Variants in NUDT14 observed in about 807,000 individuals in gnomAD.
NUDT14 encodes the protein nudix hydrolase 14.
A neutral mutation model predicts 17.5 loss-of-function variants in NUDT14; 22 were observed. That is an observed-to-expected ratio of 1.26 (90% CI 0.90 to 1.80). The LOEUF is 1.80. NUDT14 is among the 40% of genes most tolerant of loss of function. NUDT14 has a pLI of 0.00. For missense variants in NUDT14, 296 were observed against 295.6 expected, an observed-to-expected ratio of 1.00 and a Z score of -0.01; for synonymous variants, 129 against 125.8, an observed-to-expected ratio of 1.03 and a Z score of -0.17.
Position 105,181,284 on chromosome 14 carries a change from C to T in NUDT14, c.-75G>A. 1 of 626,396 alleles carries T rather than the reference C, an allele frequency of 1.6e-6. No individual in the cohort carries two copies. Among genetic ancestry groups the T allele is most frequent in the Non-Finnish European group, 2.1e-6 (1 of 480,466 alleles). 38.8% of individuals were successfully genotyped at this position (626,396 alleles called of 1,614,324 possible). On this transcript the variant is annotated 5_prime_UTR_variant, in exon 1 of 5. Coordinates refer to ENST00000392568, the MANE Select transcript of NUDT14 (RefSeq NM_177533.5). This position sits in a 1 kb window ranked among gnomAD's most constrained non-coding sequence, Gnocchi z 5.0. The stretch of plus-strand genomic sequence containing the variant: ...GGGCGGCGCCCTGTCCCGACAGGAG[C>T]CTTCGGGCGGGCGCGTGACCGCGGC...
rs758231401 is a variant in NUDT14, at chr14:105,173,205, T to C, written c.485A>G (p.Asp162Gly). Residue 162 changes from aspartate to glycine, a missense_variant, in exon 5 of 5, where the codon GAT becomes GGT. Transcript: ENST00000392568. The surrounding 1 kb of genome is among the most constrained non-coding windows in gnomAD (Gnocchi z 4.7). The part of the protein sequence containing the change: ...RQTMFYTEVT[D>G]AQRSGPGGGL... ...CCCACCTGGACCGCTACGCTGGGCA[T>C]CTGTCACCTCTGTGTAGAACATGGT... The C allele has an allele frequency of 1.2e-5, 19 of 1,608,546 alleles. No homozygotes were observed. Among genetic ancestry groups the C allele is most frequent in the Non-Finnish European group, 1.4e-5 (17 of 1,178,174 alleles).
rs775112094 is a variant in NUDT14, at chr14:105,176,584, C to T, written c.378G>A (p.Glu126=). Residue 126 remains glutamate, a synonymous_variant, in exon 4 of 5, where the codon GAG becomes GAA. Transcript: ENST00000392568. ...EEVACKEAWE[E]CGYHLAPSDL... ...CAGAGGGGGCCAAGTGGTAGCCACACTCCTCCCAAGCCTCCTTGCAAGCCA... is the reference window on the plus strand; with the variant it reads ...CAGAGGGGGCCAAGTGGTAGCCACATTCCTCCCAAGCCTCCTTGCAAGCCA... 6.2e-7 allele frequency: 1 copy of T among 1,612,752 alleles called. No homozygotes were observed. Among genetic ancestry groups the T allele is most frequent in the Non-Finnish European group, 8.5e-7 (1 of 1,179,948 alleles).
chr14:105,181,108 GA>G lies in NUDT14; in HGVS notation c.81+20del, dbSNP rs1889318009. ...CCGGGCCGCCGGCGGGGGCGCGGGG[GA>G]CGCGGGGGCGCGGGCTCACCTGGCG... On this transcript the variant is annotated intron_variant, in intron 1 of 4. Coordinates refer to ENST00000392568, the MANE Select transcript of NUDT14 (RefSeq NM_177533.5). This position sits in a 1 kb window ranked among gnomAD's most constrained non-coding sequence, Gnocchi z 5.0. 3 of 944,058 alleles carry G rather than the reference GA, an allele frequency of 3.2e-6. No individual in the cohort carries two copies. The highest frequency in any genetic ancestry group is 3.9e-6 in the Non-Finnish European group (3 of 775,024). The allele number at this position is 944,058 out of a possible 1,614,324, so 58.5% of individuals were successfully genotyped here.
In NUDT14 at chr14:105,176,643, G is replaced by A. The variant is rs1383484849; in HGVS notation, c.319C>T (p.Leu107Phe). Residue 107 changes from leucine to phenylalanine, a missense_variant, in exon 4 of 5, where the codon CTC (leucine) becomes TTC (phenylalanine). Coordinates refer to ENST00000392568, the MANE Select transcript of NUDT14 (RefSeq NM_177533.5). The stretch of plus-strand genomic sequence containing the variant: ...AGCGAGAGCCCAGGCTGGTCCACGA[G>A]GCCGGCACACAGCTCAACTGTCACC... ...AGVTVELCAG[L>F]VDQPGLSLEE... The A allele has an allele frequency of 1.9e-6, 3 of 1,612,654 alleles. No individual in the cohort carries two copies. Among genetic ancestry groups the A allele is most frequent in the Non-Finnish European group, 2.5e-6 (3 of 1,179,992 alleles).
rs587688564 is a variant in NUDT14 at position 105,176,425 on chromosome 14, T to G, written c.428+109A>C. The G allele has an allele frequency of 6.3e-6, 6 of 952,442 alleles. No individual in the cohort carries two copies. In the East Asian group the frequency reaches 1.5e-4, roughly 23 times the overall value. 59.0% of individuals were successfully genotyped at this position (952,442 alleles called of 1,614,324 possible). A position where few individuals can be genotyped will look rare whatever the true frequency, so the allele number is the denominator to read the frequency against. ...GTCCAACCCTCCCCTAATCCCATGT[T>G]GGAAAACAAGGAGGAATCCATCCTG... On this transcript the variant is annotated intron_variant, in intron 4 of 4. Coordinates refer to ENST00000392568, the MANE Select transcript of NUDT14 (RefSeq NM_177533.5).
chr14:105,176,043 C>G lies in NUDT14; in HGVS notation c.428+491G>C, dbSNP rs373459807. The G allele has an allele frequency of 1.3e-4, 155 of 1,207,784 alleles. No homozygotes were observed. In the East Asian group the frequency reaches 4.0e-3, roughly 31 times the overall value. 74.8% of individuals were successfully genotyped at this position (1,207,784 alleles called of 1,614,324 possible). On this transcript the variant is annotated intron_variant, in intron 4 of 4. Coordinates refer to ENST00000392568, the MANE Select transcript of NUDT14 (RefSeq NM_177533.5). ...TCTAGTCCTGGGAAGGCAACCCCAC[C>G]CCAGCTGGCAGCCCTCGCGGGGCAA...
In NUDT14 at chr14:105,181,023, G is replaced by A; in HGVS notation, c.81+106C>T. 6.9e-6 allele frequency: 2 copies of A among 291,550 alleles called. No individual in the cohort carries two copies. Among genetic ancestry groups the A allele is most frequent in the Non-Finnish European group, 1.0e-5 (2 of 191,600 alleles). The allele number at this position is 291,550 out of a possible 1,614,324, so 18.1% of individuals were successfully genotyped here. ...CCCGGGAGATCGGCGGGAGGCGGGG[G>A]CGGGGCTCCGGGGCGGGGCCGGCAG... is the stretch of plus-strand genomic sequence containing the variant. On this transcript the variant is annotated intron_variant, in intron 1 of 4. Transcript: ENST00000392568. The surrounding 1 kb of genome is among the most constrained non-coding windows in gnomAD (Gnocchi z 5.0).
chr14:105,175,238 C>G (rs2141006579), intron 4 of NUDT14, among the ~76,000 whole-genome samples: 1 of 152,340 alleles, frequency 6.6e-6, no homozygotes, highest in South Asian at 2.1e-4. Context: ...ACTCCAGCCC[C>G]TCCCATGCCT....
Position 105,173,478 on chromosome 14 carries a change from C to T in NUDT14, c.429-217G>A, listed in dbSNP as rs1439851266. The T allele has an allele frequency of 1.6e-5, 7 of 424,962 alleles. No individual in the cohort carries two copies. Among genetic ancestry groups the T allele is most frequent in the Non-Finnish European group, 2.8e-5 (7 of 246,968 alleles). The allele number at this position is 424,962 out of a possible 1,614,324, so 26.3% of individuals were successfully genotyped here. ...ATCCCTTCCCTGATCACGTTGTACT[C>T]GCCAGGTGGGGTGGGTGTTGTCGAT... On this transcript the variant is annotated intron_variant, in intron 4 of 4. Coordinates refer to ENST00000392568, the MANE Select transcript of NUDT14 (RefSeq NM_177533.5). This position sits in a 1 kb window ranked among gnomAD's most constrained non-coding sequence, Gnocchi z 4.7.
At chr14:105,179,914 C>T (rs1040603814) in intron 1 of NUDT14, among the ~76,000 whole-genome samples, 3 of 152,142 alleles carry the variant, frequency 2.0e-5, no homozygotes, top group Admixed American at 2.0e-4. Flanking sequence ...GGACAGGATG[C>T]CCCCTGAGGG....
In NUDT14 at chr14:105,181,109, A is replaced by G. The variant is rs1238885807; in HGVS notation, c.81+20T>C. 8.6e-6 allele frequency: 8 copies of G among 927,278 alleles called. No homozygotes were observed. The highest frequency in any genetic ancestry group is 1.0e-5 in the Non-Finnish European group (8 of 764,140). The allele number at this position is 927,278 out of a possible 1,614,324, so 57.4% of individuals were successfully genotyped here. ...CGGGCCGCCGGCGGGGGCGCGGGGG[A>G]CGCGGGGGCGCGGGCTCACCTGGCG... On this transcript the variant is annotated intron_variant, in intron 1 of 4. Coordinates refer to ENST00000392568, the MANE Select transcript of NUDT14 (RefSeq NM_177533.5). This position sits in a 1 kb window ranked among gnomAD's most constrained non-coding sequence, Gnocchi z 5.0.
intron 4 of NUDT14, among the ~76,000 whole-genome samples, chr14:105,175,041 T>G (rs954878003): frequency 6.6e-6 from 1 of 152,216 alleles, no homozygotes; most frequent in African/African-American, 2.4e-5. Context: ...GATGCGAGTC[T>G]AAGCAGGATG....
In NUDT14 at chr14:105,173,399, C is replaced by T. The variant is rs1042343745; in HGVS notation, c.429-138G>A. 1.8e-5 allele frequency: 18 copies of T among 1,014,158 alleles called. No homozygotes were observed. The highest frequency in any genetic ancestry group is 6.4e-5 in the East Asian group (2 of 31,464). 62.8% of individuals were successfully genotyped at this position (1,014,158 alleles called of 1,614,324 possible). A position where few individuals can be genotyped will look rare whatever the true frequency, so the allele number is the denominator to read the frequency against. Reference sequence around the variant, plus strand: ...TAGGCAGGACTCTGGGATGCCCTCTCCCACCCGGATTCCCACCTGGTGTGC... The same window carrying T: ...TAGGCAGGACTCTGGGATGCCCTCTTCCACCCGGATTCCCACCTGGTGTGC... On this transcript the variant is annotated intron_variant, in intron 4 of 4. Coordinates refer to ENST00000392568, the MANE Select transcript of NUDT14 (RefSeq NM_177533.5). This position sits in a 1 kb window ranked among gnomAD's most constrained non-coding sequence, Gnocchi z 4.7.
At chr14:105,176,493 C>T in intron 4 of NUDT14, 41 bp downstream of exon 4, 1 of 1,503,494 alleles carries the variant, frequency 6.7e-7, no homozygotes, top group Non-Finnish European at 9.3e-7. Flanking sequence ...TCTCCCATCT[C>T]CTGAGTCACA....
At chr14:105,176,098 G>A (rs1889207030) in intron 4 of NUDT14, 10 of 866,226 alleles carry the variant, frequency 1.2e-5, no homozygotes, top group Non-Finnish European at 1.2e-5. Flanking sequence ...GGTGGGTCAG[G>A]TCCCAAAGCG....
rs2141008437 is a variant in NUDT14, at chr14:105,177,889, C to T, written c.82-154G>A. ...AGCCAGGAACTGCAGCTCCCGTGGG[C>T]AGAGGAGCAAGCAGCCTGGGAGGGG... On this transcript the variant is annotated intron_variant, in intron 1 of 4. Transcript: ENST00000392568. 1.2e-5 allele frequency: 8 copies of T among 645,596 alleles called. No individual in the cohort carries two copies. In the East Asian group the frequency reaches 1.4e-4, roughly 11 times the overall value. 40.0% of individuals were successfully genotyped at this position (645,596 alleles called of 1,614,324 possible).
intron 1 of NUDT14, among the ~76,000 whole-genome samples, chr14:105,180,902 G>C (rs1889311178): frequency 6.6e-6 from 1 of 152,180 alleles, no homozygotes; most frequent in Non-Finnish European, 1.5e-5. Context: ...GAAAGGATGA[G>C]TGGTGCCCCC....
intron 3 of NUDT14, 85 bp downstream of exon 3, chr14:105,176,878 C>G: frequency 6.4e-7 from 1 of 1,557,806 alleles, no homozygotes; most frequent in Non-Finnish European, 8.8e-7. Flanking sequence ...CTGGAGCCCC[C>G]TCCCACATCT....
At chr14:105,176,095 CA>C in intron 4 of NUDT14, 1 of 930,908 alleles carries the variant, frequency 1.1e-6, no homozygotes, top group Non-Finnish European at 1.4e-6. Flanking sequence ...TTTGGTGGGT[CA>C]GGTCCCAAAG....
Sources: gnomAD v4.1 joint callset for allele counts (sites outside exome capture counted in the v4.1 genomes callset) on GRCh38, gnomAD v4.1.1 for gene constraint, Gnocchi (gnomAD v3.1) non-coding constraint, MANE v1.5 for transcripts, NCBI Gene and HGNC (gene_info 2026-07-23, HGNC 2026-07-21) for gene names.